SNX29: variants seen among roughly 807,000 people sequenced by gnomAD.
SNX29 encodes the protein sorting nexin-29.
In SNX29, 78 loss-of-function variants were observed where a neutral mutation model predicts 102.1. That is an observed-to-expected ratio of 0.76 (90% confidence interval 0.64 to 0.92). SNX29 has a LOEUF of 0.92. Ranked by LOEUF, SNX29 falls within the 40% of genes least tolerant of loss-of-function variation. The pLI, the probability that SNX29 is intolerant of heterozygous loss-of-function variation, is 0.00. For synonymous variants in SNX29, 580 were observed against 414.5 expected (o/e 1.40, Z -4.85); for missense variants, 1,280 against 1,061.7 (o/e 1.21, Z -2.86).
intron 11 of SNX29, among the ~76,000 whole-genome samples, chr16:12,121,400 T>C (rs1045797672): frequency 1.3e-5 from 2 of 152,214 alleles, no homozygotes; most frequent in African/African-American, 4.8e-5. Flanking sequence ...GCATGGCCAT[T>C]TGTGCATGAC....
intron 1 of SNX29, among the ~76,000 whole-genome samples, chr16:11,988,978 A>G (rs79781940): frequency 1.3e-5 from 2 of 150,862 alleles, no homozygotes; most frequent in Non-Finnish European, 2.9e-5. Context: ...GCTCTAGAGT[A>G]ATTTTTTTTT....
At chr16:12,223,019 T>C (rs1278271137) in intron 14 of SNX29, among the ~76,000 whole-genome samples, 1 of 152,226 alleles carries the variant, frequency 6.6e-6, no homozygotes, top group South Asian at 2.1e-4. Flanking sequence ...TTTAGGTCTT[T>C]GGATTCTAAA....
chr16:12,544,539 C>T (rs1214207255), intron 20 of SNX29, among the ~76,000 whole-genome samples: 4 of 152,172 alleles, frequency 2.6e-5, no homozygotes, highest in South Asian at 2.1e-4. Flanking sequence ...GGCCTAGGAA[C>T]ATTCTCTGGA....
chr16:12,541,776 C>T (rs1404933971), intron 20 of SNX29, among the ~76,000 whole-genome samples: 3 of 152,140 alleles, frequency 2.0e-5, no homozygotes, highest in Non-Finnish European at 4.4e-5. Flanking sequence ...CCTGCGTTTC[C>T]AACCCCCTGG....
At chr16:12,536,511 A>G (rs894919692) in intron 20 of SNX29, among the ~76,000 whole-genome samples, 1 of 152,178 alleles carries the variant, frequency 6.6e-6, no homozygotes, top group Non-Finnish European at 1.5e-5. Flanking sequence ...TAGGGACTTC[A>G]TGCCTCTATT....
At chr16:12,455,401 G>A (rs922359204) in intron 18 of SNX29, among the ~76,000 whole-genome samples, 1 of 152,108 alleles carries the variant, frequency 6.6e-6, no homozygotes, top group Non-Finnish European at 1.5e-5. Context: ...CCTGCATACC[G>A]GCTTGGCCAG....
chr16:12,202,533 C>G, intron 14 of SNX29, among the ~76,000 whole-genome samples: 1 of 152,230 alleles, frequency 6.6e-6, no homozygotes, highest in Admixed American at 6.5e-5. Context: ...GCTGCCATAT[C>G]TACCAGGAAC....
In SNX29 at chr16:12,518,513, A is replaced by G. The variant is rs573881460; in HGVS notation, c.2179-6189A>G. 3.3e-5 allele frequency among the ~76,000 whole-genome samples: 5 copies of G among 152,226 alleles called. No homozygotes were observed. In the South Asian group the frequency reaches 1.0e-3, roughly 32 times the overall value. On this transcript the variant is annotated intron_variant, in intron 19 of 20. Coordinates refer to ENST00000566228, the MANE Select transcript of SNX29 (RefSeq NM_032167.5). Reference sequence around the variant, plus strand: ...CGCCTTTCCTCCAGGAGCCAGCTAAAGCACCAGCTTCAGGGGCTGCTTCCT... The same window carrying G: ...CGCCTTTCCTCCAGGAGCCAGCTAAGGCACCAGCTTCAGGGGCTGCTTCCT...
Position 11,976,734 on chromosome 16 carries a change from G to C in SNX29, c.-73G>C. 8.5e-7 allele frequency: 1 copy of C among 1,174,256 alleles called. No homozygotes were observed. The highest frequency in any genetic ancestry group is 1.1e-6 in the Non-Finnish European group (1 of 914,304). The allele number at this position is 1,174,256 out of a possible 1,614,324, so 72.7% of individuals were successfully genotyped here. A position where few individuals can be genotyped will look rare whatever the true frequency, so the allele number is the denominator to read the frequency against. On this transcript the variant is annotated 5_prime_UTR_variant, in exon 1 of 21. Coordinates refer to ENST00000566228, the MANE Select transcript of SNX29 (RefSeq NM_032167.5). ...GGGCGGGGCTCCTGTCTCCCGGCCT[G>C]TCTGGAGCTCGGCAGCCGCAGAAGC...
chr16:12,357,456 G>C (rs1385898669), intron 16 of SNX29, among the ~76,000 whole-genome samples: 1 of 152,098 alleles, frequency 6.6e-6, no homozygotes, highest in African/African-American at 2.4e-5. Context: ...TTTGATTCAG[G>C]ATCCATGTGA....
intron 20 of SNX29, among the ~76,000 whole-genome samples, chr16:12,534,069 G>A (rs1279066220): frequency 1.3e-5 from 2 of 152,226 alleles, no homozygotes; most frequent in African/African-American, 4.8e-5. Context: ...GCAGAGTGAG[G>A]GCAGCAGGGG....
At chr16:12,158,475 C>G (rs1430584755) in intron 13 of SNX29, among the ~76,000 whole-genome samples, 1 of 152,244 alleles carries the variant, frequency 6.6e-6, no homozygotes, top group African/African-American at 2.4e-5. Flanking sequence ...GCTGGGATAA[C>G]AGGCGTGAGC....
rs150728636 is a variant in SNX29, at chr16:12,066,121, G to C, written c.1244-2936G>C. Among the ~76,000 whole-genome samples the C allele has an allele frequency of 1.1e-4, 16 of 152,260 alleles. No homozygotes were observed. In the East Asian group the frequency reaches 2.7e-3, roughly 26 times the overall value. On this transcript the variant is annotated intron_variant, in intron 9 of 20. Coordinates refer to ENST00000566228, the MANE Select transcript of SNX29 (RefSeq NM_032167.5). The stretch of plus-strand genomic sequence containing the variant: ...TGAGCGCTCTCATTGAAGGCTGGGT[G>C]GGTCCATGCCTTTGCCCCAGCTGTG...
At chr16:12,537,970 G>C (rs2077150901) in intron 20 of SNX29, among the ~76,000 whole-genome samples, 1 of 120,870 alleles carries the variant, frequency 8.3e-6, no homozygotes, top group Admixed American at 8.7e-5. Context: ...GGGCAATAGA[G>C]CAAAACTCCG....
intron 20 of SNX29, among the ~76,000 whole-genome samples, chr16:12,560,035 A>G (rs2078627779): frequency 1.3e-5 from 2 of 152,172 alleles, no homozygotes; most frequent in Non-Finnish European, 2.9e-5. Context: ...AGTATGACAA[A>G]TACACAAAGA....
intron 14 of SNX29, among the ~76,000 whole-genome samples, chr16:12,253,384 A>T (rs80141695): frequency 0.073 from 11,133 of 152,312 alleles, 1,191 homozygotes; most frequent in African/African-American, 0.23. Context: ...GGGAGACAGA[A>T]GATAATCAAC....
intron 15 of SNX29, among the ~76,000 whole-genome samples, chr16:12,342,352 G>C (rs1233371770): frequency 6.6e-6 from 1 of 152,182 alleles, no homozygotes; most frequent in South Asian, 2.1e-4. Context: ...GGAGAGAAGA[G>C]ATTACAGTCT....
intron 20 of SNX29, among the ~76,000 whole-genome samples, chr16:12,542,891 CAT>C (rs1477101652): frequency 6.6e-6 from 1 of 152,002 alleles, no homozygotes; most frequent in Non-Finnish European, 1.5e-5. Flanking sequence ...GTCCCAGAAA[CAT>C]GATTTGAGTA....
chr16:12,172,771 A>T (rs1180576449), intron 13 of SNX29, among the ~76,000 whole-genome samples: 1 of 152,200 alleles, frequency 6.6e-6, no homozygotes, highest in South Asian at 2.1e-4. Flanking sequence ...TTTAAGGGAC[A>T]TGGGCACTGA....
Sources: allele counts gnomAD v4.1 joint callset (sites outside exome capture counted in the v4.1 genomes callset), GRCh38; gene constraint gnomAD v4.1.1; transcripts MANE v1.5; gene names NCBI Gene and HGNC (gene_info 2026-07-23, HGNC 2026-07-21).